The following TMEM132D variants were observed in gnomAD, a reference collection of about 807,000 sequenced individuals.
TMEM132D encodes transmembrane protein 132D.
In TMEM132D, 21 loss-of-function variants were observed where a neutral mutation model predicts 62.3. The ratio of observed to expected loss-of-function variants is 0.34; its 90% CI spans 0.24 to 0.49. The LOEUF is 0.49. Among genes scored for constraint, TMEM132D ranks in the 20% least tolerant of loss-of-function variants. The pLI is 0.99. For missense variants in TMEM132D, 1,346 were observed against 1,402.8 expected, an observed-to-expected ratio of 0.96 and a Z score of 0.65; for synonymous variants, 621 against 575.6, an observed-to-expected ratio of 1.08 and a Z score of -1.13.
intron 3 of TMEM132D, among the ~76,000 whole-genome samples, chr12:129,392,819 A>C (rs981127241): frequency 5.3e-5 from 8 of 152,336 alleles, no homozygotes; most frequent in African/African-American, 1.9e-4. Flanking sequence ...GGCAAACTCG[A>C]ATGTCTACAA....
chr12:129,113,942 C>A (rs865904717), intron 5 of TMEM132D, among the ~76,000 whole-genome samples: 3 of 151,932 alleles, frequency 2.0e-5, no homozygotes, highest in African/African-American at 7.3e-5. Context: ...ATGGAATGGA[C>A]AGTAAGGGCT....
chr12:129,788,776 CTCTT>C (rs1871314895), intron 1 of TMEM132D, among the ~76,000 whole-genome samples: 1 of 152,122 alleles, frequency 6.6e-6, no homozygotes, highest in Non-Finnish European at 1.5e-5. Flanking sequence ...GGAGTCAAGA[CTCTT>C]TCTGAGGAGT....
At chr12:129,763,087 T>G (rs896551133) in intron 1 of TMEM132D, among the ~76,000 whole-genome samples, 2 of 152,190 alleles carry the variant, frequency 1.3e-5, no homozygotes, top group African/African-American at 2.4e-5. Context: ...GTTGTTGTTG[T>G]TTTTCCCTGA....
intron 3 of TMEM132D, among the ~76,000 whole-genome samples, chr12:129,452,089 C>A (rs1327430532): frequency 6.6e-6 from 1 of 152,186 alleles, no homozygotes; most frequent in Admixed American, 6.5e-5. Context: ...TTTTTCCTGG[C>A]TCCTCATGTC....
chr12:129,587,135 A>G (rs543264518), intron 2 of TMEM132D, among the ~76,000 whole-genome samples: 5 of 152,300 alleles, frequency 3.3e-5, no homozygotes, highest in Admixed American at 3.3e-4. Context: ...CATGGAATCA[A>G]CCTTACATGC....
intron 2 of TMEM132D, among the ~76,000 whole-genome samples, chr12:129,677,213 T>G (rs940176487): frequency 6.6e-6 from 1 of 152,190 alleles, no homozygotes; most frequent in Non-Finnish European, 1.5e-5. Context: ...GAATGAATTA[T>G]TGGGGCAGGT....
Position 129,125,499 on chromosome 12 carries a change from AGTTT to A in TMEM132D, c.1444-40801_1444-40798del, listed in dbSNP as rs747431183. Among the ~76,000 whole-genome samples, 328 of 127,804 alleles carry A rather than the reference AGTTT, an allele frequency of 2.6e-3. 10 individuals carry two copies. Among genetic ancestry groups the A allele is most frequent in the Middle Eastern group, 0.012 (3 of 242 alleles). 83.8% of individuals were successfully genotyped at this position (127,804 alleles called of 152,430 possible). A position where few individuals can be genotyped will look rare whatever the true frequency, so the allele number is the denominator to read the frequency against. ...GATGTGACGATGTCGAATTACTATG[AGTTT>A]TTTTTTTTTTTTTTTTTTTGAGACA... On this transcript the variant is annotated intron_variant, in intron 5 of 8. Coordinates refer to ENST00000422113, the MANE Select transcript of TMEM132D (RefSeq NM_133448.3).
At chr12:129,630,467 T>A (rs1879323323) in intron 2 of TMEM132D, among the ~76,000 whole-genome samples, 1 of 152,126 alleles carries the variant, frequency 6.6e-6, no homozygotes, top group Non-Finnish European at 1.5e-5. Flanking sequence ...GATTGGTGGT[T>A]TTCTAGAACA....
chr12:129,648,522 A>G (rs1268560729), intron 2 of TMEM132D, among the ~76,000 whole-genome samples: 1 of 152,204 alleles, frequency 6.6e-6, no homozygotes, highest in Admixed American at 6.5e-5. Context: ...TATCAGGGCA[A>G]TGGGCAAGGT....
intron 1 of TMEM132D, among the ~76,000 whole-genome samples, chr12:129,773,807 G>A (rs900481459): frequency 2.0e-5 from 3 of 152,132 alleles, no homozygotes; most frequent in Non-Finnish European, 4.4e-5. Flanking sequence ...TACAGAACAC[G>A]GGGCCTCACC....
Position 129,673,823 on chromosome 12 carries a change from C to T in TMEM132D, c.968+25987G>A, listed in dbSNP as rs774189701. 5.5e-4 allele frequency among the ~76,000 whole-genome samples: 83 copies of T among 152,256 alleles called. 1 individual carries two copies. The highest frequency in any genetic ancestry group is 1.4e-3 in the Admixed American group (22 of 15,294). On this transcript the variant is annotated intron_variant, in intron 2 of 8. Coordinates refer to ENST00000422113, the MANE Select transcript of TMEM132D (RefSeq NM_133448.3). ...GTCCCTTAAGAGTGTGATTCAAAGG[C>T]TCTGTAGAACAGAAATAGGCCATTT...
chr12:129,391,823 C>A (rs540599627), intron 3 of TMEM132D, among the ~76,000 whole-genome samples: 1 of 152,132 alleles, frequency 6.6e-6, no homozygotes, highest in Non-Finnish European at 1.5e-5. Flanking sequence ...GTGGTGCTAT[C>A]TTGGCTCACT....
intron 2 of TMEM132D, among the ~76,000 whole-genome samples, chr12:129,566,398 G>A (rs1283456902): frequency 6.6e-6 from 1 of 151,942 alleles, no homozygotes; most frequent in East Asian, 2.0e-4. Context: ...AGGTCCTTCT[G>A]AAGTTAACCT....
intron 3 of TMEM132D, among the ~76,000 whole-genome samples, chr12:129,358,174 A>G (rs981285869): frequency 6.6e-6 from 1 of 152,126 alleles, no homozygotes; most frequent in Non-Finnish European, 1.5e-5. Flanking sequence ...GAAAAAAACA[A>G]CTGGAAAGGT....
At chr12:129,785,394 G>GAATGGA (rs1758736381) in intron 1 of TMEM132D, among the ~76,000 whole-genome samples, 2 of 152,186 alleles carry the variant, frequency 1.3e-5, no homozygotes, top group Admixed American at 1.3e-4. Flanking sequence ...CTCATAGGTA[G>GAATGGA]AATGGAAATA....
At chr12:129,504,333 T>A (rs1473950866) in intron 3 of TMEM132D, among the ~76,000 whole-genome samples, 1 of 152,242 alleles carries the variant, frequency 6.6e-6, no homozygotes, top group Admixed American at 6.5e-5. Context: ...CCAATTCTTC[T>A]TTGAATGTCT....
intron 3 of TMEM132D, among the ~76,000 whole-genome samples, chr12:129,420,041 T>C (rs1174687252): frequency 2.6e-5 from 4 of 152,062 alleles, no homozygotes; most frequent in Non-Finnish European, 5.9e-5. Flanking sequence ...GGTGAATCAG[T>C]TTCATCTTAA....
At chr12:129,471,546 A>G (rs1874093031) in intron 3 of TMEM132D, among the ~76,000 whole-genome samples, 1 of 152,188 alleles carries the variant, frequency 6.6e-6, no homozygotes, top group South Asian at 2.1e-4. Flanking sequence ...GACAGTAGTG[A>G]AATGAAACCA....
At chr12:129,077,913 A>G (rs915453433) in intron 8 of TMEM132D, among the ~76,000 whole-genome samples, 1 of 150,980 alleles carries the variant, frequency 6.6e-6, no homozygotes, top group Non-Finnish European at 1.5e-5. Flanking sequence ...TACACAACAC[A>G]TAGACACACA....
Sources: gnomAD v4.1 joint callset for allele counts (sites outside exome capture counted in the v4.1 genomes callset) on GRCh38, gnomAD v4.1.1 for gene constraint, MANE v1.5 for transcripts, NCBI Gene and HGNC (gene_info 2026-07-23, HGNC 2026-07-21) for gene names.